HERC4: variants seen among roughly 807,000 people sequenced by gnomAD.
HERC4 encodes the protein HECT and RLD domain containing E3 ubiquitin protein ligase 4.
HERC4 carries 28 observed loss-of-function variants against 124.3 expected under a neutral mutation model. The observed-to-expected ratio is 0.23, with a 90% confidence interval of 0.17 to 0.31. HERC4 has a LOEUF of 0.31. Ranked by LOEUF, HERC4 falls within the 10% of genes least tolerant of loss-of-function variation. The pLI is 1.00. For missense variants in HERC4, 713 were observed against 1,229.3 expected (o/e 0.58, Z 6.28); for synonymous variants, 407 against 421.5 (o/e 0.97, Z 0.42).
chr10:68,051,164 C>T (rs534624118), intron 3 of HERC4, among the ~76,000 whole-genome samples: 1 of 150,528 alleles, frequency 6.6e-6, no homozygotes, highest in African/African-American at 2.4e-5. Context: ...CTATTGAATC[C>T]TTTGATAAAT....
At chr10:68,035,237 C>T (rs1272869861) in intron 5 of HERC4, among the ~76,000 whole-genome samples, 1 of 151,724 alleles carries the variant, frequency 6.6e-6, no homozygotes, top group African/African-American at 2.4e-5. Flanking sequence ...ATTGCAACCT[C>T]CATCTCCCGG....
At chr10:68,058,046 T>C (rs1479956899) in intron 3 of HERC4, among the ~76,000 whole-genome samples, 3 of 152,034 alleles carry the variant, frequency 2.0e-5, no homozygotes, top group East Asian at 1.9e-4. Context: ...AAATCAATGA[T>C]CAATCTAACT....
rs769301795 is a variant in HERC4, at chr10:68,034,107, C to T, written c.543G>A (p.Pro181=). The part of the protein sequence containing the change: ...LGTDCKKQTS[P]QLLKSLLGIP... ...TTCCAAGCAAAGACTTAAGCAGCTGCGGTGAAGTTTGCTTTTTACAGTCAG... is the reference window on the plus strand; with the variant it reads ...TTCCAAGCAAAGACTTAAGCAGCTGTGGTGAAGTTTGCTTTTTACAGTCAG... The change falls in exon 6 of 25, where the codon CCG becomes CCA. Residue 181 remains proline, a synonymous_variant. Transcript: ENST00000373700. 36 of 1,614,074 alleles carry T rather than the reference C, an allele frequency of 2.2e-5. No individual in the cohort carries two copies. The highest frequency in any genetic ancestry group is 1.1e-4 in the South Asian group (10 of 91,086).
rs527806576 is a variant in HERC4, at chr10:68,049,737, CCT to C, written c.227-5176_227-5175del. 2.3e-4 allele frequency among the ~76,000 whole-genome samples: 35 copies of C among 151,776 alleles called. No homozygotes were observed. In the East Asian group the frequency reaches 6.2e-3, roughly 27 times the overall value. On this transcript the variant is annotated intron_variant, in intron 3 of 24. Coordinates refer to ENST00000373700, the MANE Select transcript of HERC4 (RefSeq NM_015601.4). ...ACCAGCCTCGGCAACATAATGAGAC[CCT>C]GTCTCTACAAAAAAATTAAAAATTA... is the stretch of plus-strand genomic sequence containing the variant.
At chr10:68,073,988 AC>A (rs372924898) in intron 1 of HERC4, 38 of 152,268 alleles carry the variant, frequency 2.5e-4, no homozygotes, top group African/African-American at 8.9e-4. Flanking sequence ...TAAAAAAATC[AC>A]CCGTGGGCAA....
intron 20 of HERC4, among the ~76,000 whole-genome samples, chr10:67,940,697 G>A (rs957820435): frequency 3.2e-4 from 48 of 151,986 alleles, no homozygotes; most frequent in African/African-American, 1.1e-3. Flanking sequence ...CACCTGCCTC[G>A]GTCTCCCAAA....
chr10:67,942,360 T>C (rs978054539), intron 19 of HERC4, among the ~76,000 whole-genome samples: 1 of 152,252 alleles, frequency 6.6e-6, no homozygotes, highest in Non-Finnish European at 1.5e-5. Context: ...GCTAGTAGTA[T>C]TAAAAATAAG....
chr10:68,069,119 T>G, intron 3 of HERC4: 1 of 975,482 alleles, frequency 1.0e-6, no homozygotes, highest in Non-Finnish European at 1.2e-6. Context: ...GGTCACCAAA[T>G]TATACCTATG....
At chr10:67,993,590 T>C (rs1374598898) in intron 9 of HERC4, 1 of 151,946 alleles carries the variant, frequency 6.6e-6, no homozygotes, top group Non-Finnish European at 1.5e-5. Flanking sequence ...GGAGTAAATA[T>C]TTCATAATGC....
intron 15 of HERC4, among the ~76,000 whole-genome samples, chr10:67,967,536 G>A (rs2034962630): frequency 6.6e-6 from 1 of 152,198 alleles, no homozygotes; most frequent in Non-Finnish European, 1.5e-5. Context: ...TGGACACGAT[G>A]TGAAAAATGA....
chr10:68,026,053 A>G (rs2133275861), intron 7 of HERC4, among the ~76,000 whole-genome samples: 1 of 152,328 alleles, frequency 6.6e-6, no homozygotes, highest in Admixed American at 6.5e-5. Context: ...TGCGCTGCAA[A>G]AAGAGTACAT....
intron 7 of HERC4, among the ~76,000 whole-genome samples, chr10:68,031,567 A>C (rs1355607944): frequency 6.6e-6 from 1 of 152,158 alleles, no homozygotes; most frequent in African/African-American, 2.4e-5. Context: ...TGGCAGGTAT[A>C]ATAATCCTTC....
intron 7 of HERC4, among the ~76,000 whole-genome samples, chr10:68,031,544 CTAA>C (rs1422671511): frequency 1.3e-5 from 2 of 151,774 alleles, no homozygotes; most frequent in Admixed American, 6.6e-5. Context: ...TTGCGCCAAC[CTAA>C]TAATAAGATT....
At chr10:67,952,008 AC>A (rs1313893013) in intron 19 of HERC4, among the ~76,000 whole-genome samples, 1 of 152,100 alleles carries the variant, frequency 6.6e-6, no homozygotes, top group African/African-American at 2.4e-5. Context: ...CAATGCCCAT[AC>A]CCATGGTTAT....
chr10:67,990,830 G>A, intron 13 of HERC4, 74 bp downstream of exon 13: 1 of 837,676 alleles, frequency 1.2e-6, no homozygotes. Context: ...AAGTAAATTA[G>A]GCTATAAACG....
chr10:67,986,362 TA>T (rs1564512912), intron 15 of HERC4, among the ~76,000 whole-genome samples: 1 of 152,230 alleles, frequency 6.6e-6, no homozygotes, highest in Non-Finnish European at 1.5e-5. Flanking sequence ...TTGTATTATT[TA>T]TTTTTTTGAG....
intron 15 of HERC4, among the ~76,000 whole-genome samples, chr10:67,982,920 G>A (rs1022712873): frequency 6.6e-6 from 1 of 151,980 alleles, no homozygotes; most frequent in Non-Finnish European, 1.5e-5. Context: ...CTGAGCTCAG[G>A]AGTTCAAGAC....
intron 9 of HERC4, among the ~76,000 whole-genome samples, chr10:67,999,393 C>T (rs925610794): frequency 4.6e-5 from 7 of 152,308 alleles, no homozygotes; most frequent in Admixed American, 2.0e-4. Flanking sequence ...TGCTCTGATG[C>T]TTGCCTGAAG....
In HERC4 at chr10:67,992,438, C is replaced by G. The variant is rs2036602460; in HGVS notation, c.1147-115G>C. The G allele has an allele frequency of 1.0e-5, 14 of 1,375,194 alleles. No homozygotes were observed. In the South Asian group the frequency reaches 1.8e-4, roughly 18 times the overall value. The allele number at this position is 1,375,194 out of a possible 1,614,324, so 85.2% of individuals were successfully genotyped here. A position where few individuals can be genotyped will look rare whatever the true frequency, so the allele number is the denominator to read the frequency against. On this transcript the variant is annotated intron_variant, in intron 10 of 24. Transcript: ENST00000373700. ...ACAGAATTAAATCTCTCCTGAACAC[C>G]TGAAACAAAAACCTATCAAATAGAT...
Sources: allele counts gnomAD v4.1 joint callset (sites outside exome capture counted in the v4.1 genomes callset), GRCh38; gene constraint gnomAD v4.1.1; transcripts MANE v1.5; gene names NCBI Gene and HGNC (gene_info 2026-07-23, HGNC 2026-07-21).